MAU2: variants seen among roughly 807,000 people sequenced by gnomAD.
The protein encoded by MAU2 is MAU2 sister chromatid cohesion factor.
Under a neutral mutation model 89.1 loss-of-function variants are expected in MAU2, and 9 were observed. That is an observed-to-expected ratio of 0.10 (90% CI 0.06 to 0.18). The LOEUF is 0.18. Ranked by LOEUF, MAU2 falls within the 10% of genes least tolerant of loss-of-function variation. The probability of loss-of-function intolerance (pLI) is 1.00; values close to 1 mark genes in which losing one functional copy is unlikely to be tolerated. For missense variants in MAU2, 425 were observed against 803.5 expected, an observed-to-expected ratio of 0.53 and a Z score of 5.69; for synonymous variants, 357 against 343.4, an observed-to-expected ratio of 1.04 and a Z score of -0.44.
chr19:19,324,334 A>C (rs759331514), intron 1 of MAU2, among the ~76,000 whole-genome samples: 20 of 152,126 alleles, frequency 1.3e-4, no homozygotes, highest in Non-Finnish European at 2.5e-4. Flanking sequence ...GCTGTCGGGG[A>C]CTGGCAGATG....
chr19:19,323,278 TC>T (rs1568645965), intron 1 of MAU2, among the ~76,000 whole-genome samples: 1 of 151,614 alleles, frequency 6.6e-6, no homozygotes, highest in Non-Finnish European at 1.5e-5. Flanking sequence ...CACTGCAACT[TC>T]CGTCTCGTGG....
intron 16 of MAU2, among the ~76,000 whole-genome samples, chr19:19,350,764 G>T (rs1346719302): frequency 6.6e-6 from 1 of 152,100 alleles, no homozygotes; most frequent in East Asian, 1.9e-4. Context: ...GCCGGGCATG[G>T]TGGCAGGCGC....
chr19:19,337,778 C>T (rs1294147878), intron 4 of MAU2, among the ~76,000 whole-genome samples: 1 of 152,194 alleles, frequency 6.6e-6, no homozygotes, highest in Non-Finnish European at 1.5e-5. Flanking sequence ...GGCACACCCT[C>T]ATCCTGGGAT....
In MAU2 at chr19:19,338,638, A is replaced by T. The variant is rs183623545; in HGVS notation, c.457-207A>T. Among the ~76,000 whole-genome samples the T allele has an allele frequency of 2.8e-4, 42 of 152,338 alleles. No homozygotes were observed. The East Asian group carries it at 7.9e-3, about 29-fold the overall frequency. ...CCACTGCAGGCACCATTCAGTTTAGATGACATATATACTACAGGCCAACTG... is the reference window on the plus strand; with the variant it reads ...CCACTGCAGGCACCATTCAGTTTAGTTGACATATATACTACAGGCCAACTG... On this transcript the variant is annotated intron_variant, in intron 4 of 18. Coordinates refer to ENST00000262815, the MANE Select transcript of MAU2 (RefSeq NM_015329.4).
chr19:19,321,119 G>A lies in MAU2; in HGVS notation c.260G>A (p.Ser87Asn). 6.3e-7 allele frequency: 1 copy of A among 1,594,024 alleles called. No individual in the cohort carries two copies. The highest frequency in any genetic ancestry group is 8.5e-7 in the Non-Finnish European group (1 of 1,170,830). ...HHTKNSEQAR[S>N]HLEKAWLISQ... ...ACCAAGAACAGCGAGCAGGCGCGCA[G>A]CCACCTGGAGAAGGCGGTGAGCGCG... Residue 87 changes from serine (S) to asparagine (N), a missense_variant, in exon 1 of 19, where the codon AGC becomes AAC. This residue lies in a region of MAU2 where 119 missense variants were observed against 299.8 expected (regional missense o/e 0.40). Coordinates refer to ENST00000262815, the MANE Select transcript of MAU2 (RefSeq NM_015329.4).
At chr19:19,323,464 G>A (rs1405282978) in intron 1 of MAU2, among the ~76,000 whole-genome samples, 1 of 152,014 alleles carries the variant, frequency 6.6e-6, no homozygotes, top group Non-Finnish European at 1.5e-5. Flanking sequence ...AAAGTGCTAG[G>A]ATTATAGGTG....
chr19:19,342,781 T>C lies in MAU2; in HGVS notation c.888T>C (p.Thr296=), dbSNP rs1272181655. The C allele has an allele frequency of 2.5e-6, 4 of 1,613,910 alleles. No individual in the cohort carries two copies. The highest frequency in any genetic ancestry group is 3.4e-6 in the Non-Finnish European group (4 of 1,179,980). The change falls in exon 9 of 19, where the codon ACT becomes ACC. Residue 296 remains threonine, a synonymous_variant. Coordinates refer to ENST00000262815, the MANE Select transcript of MAU2 (RefSeq NM_015329.4). The part of the protein sequence containing the change: ...EHMCVLVYLV[T]VMHSMQAGYL... The stretch of plus-strand genomic sequence containing the variant: ...CTGTCTGGTCTTGTCGCTAGGTGAC[T>C]GTGATGCACTCCATGCAGGCCGGCT...
At chr19:19,322,600 A>C (rs1315742937) in intron 1 of MAU2, among the ~76,000 whole-genome samples, 9 of 152,072 alleles carry the variant, frequency 5.9e-5, no homozygotes, top group African/African-American at 1.7e-4. Flanking sequence ...CCTGTCTCAG[A>C]AAAAAAAGAT....
intron 18 of MAU2, 129 bp from the exon 19 acceptor site, chr19:19,355,579 C>A: frequency 8.5e-7 from 1 of 1,178,072 alleles, no homozygotes; most frequent in Non-Finnish European, 1.2e-6. Context: ...CTCCTCGGGG[C>A]CCATTGGACT....
chr19:19,347,351 T>C lies in MAU2; in HGVS notation c.1293T>C (p.Asn431=). ...NLASVYIREG[N]RHQEVLYSLL... ...CGAGTGTGTATATACGGGAAGGAAA[T>C]AGACACCAAGAGGTAGTAGGTGACA... Residue 431 remains asparagine, a synonymous_variant, in exon 13 of 19, where the codon AAT becomes AAC. Coordinates refer to ENST00000262815, the MANE Select transcript of MAU2 (RefSeq NM_015329.4). The C allele has an allele frequency of 3.1e-6, 5 of 1,613,186 alleles. No homozygotes were observed. Among genetic ancestry groups the C allele is most frequent in the Non-Finnish European group, 4.2e-6 (5 of 1,179,462 alleles).
At chr19:19,348,554 C>T in intron 13 of MAU2, 1 of 491,338 alleles carries the variant, frequency 2.0e-6, no homozygotes, top group South Asian at 2.1e-5. Flanking sequence ...CTCACCCCCA[C>T]AGCCCACAGG....
intron 1 of MAU2, among the ~76,000 whole-genome samples, chr19:19,333,184 G>A (rs117923614): frequency 0.033 from 5,029 of 152,002 alleles, 131 homozygotes; most frequent in Admixed American, 0.046. Flanking sequence ...AAATGGAGAA[G>A]GGACACAAAG....
In MAU2 at chr19:19,358,162, G is replaced by GA. The variant is rs957753599; in HGVS notation, c.*2386dup. On this transcript the variant is annotated 3_prime_UTR_variant, in exon 19 of 19. Coordinates refer to ENST00000262815, the MANE Select transcript of MAU2 (RefSeq NM_015329.4). ...CAGTGTCCTGTAGCTAAGTGTCTAG[G>GA]AAAAAACAAAAACTCCAAACCCTTC... 15 of 152,144 alleles carry GA rather than the reference G, an allele frequency of 9.9e-5. No individual in the cohort carries two copies. Among genetic ancestry groups the GA allele is most frequent in the Admixed American group, 9.2e-4 (14 of 15,270 alleles). 9.4% of individuals were successfully genotyped at this position (152,144 alleles called of 1,614,324 possible). A position where few individuals can be genotyped will look rare whatever the true frequency, so the allele number is the denominator to read the frequency against.
At chr19:19,335,501 C>T (rs550134613) in intron 1 of MAU2, among the ~76,000 whole-genome samples, 1 of 152,278 alleles carries the variant, frequency 6.6e-6, no homozygotes, top group Admixed American at 6.5e-5. Flanking sequence ...ATGTCCCCTC[C>T]TGCCCAGGCA....
At position 19,349,251 on chromosome 19, in the gene MAU2, G is replaced by T. The variant is rs756755904; in HGVS notation, c.1436+19G>T. 46 of 1,614,038 alleles carry T rather than the reference G, an allele frequency of 2.8e-5. No individual in the cohort carries two copies. Among genetic ancestry groups the T allele is most frequent in the Non-Finnish European group, 3.9e-5 (46 of 1,180,006 alleles). On this transcript the variant is annotated intron_variant, in intron 15 of 18. Coordinates refer to ENST00000262815, the MANE Select transcript of MAU2 (RefSeq NM_015329.4). ...AGGCCAAGTAAGTGTGGGGCAGAGG[G>T]TGGCGTGAGGGCCATGCTCAGGGTA...
rs1318964801 is a variant in MAU2, at chr19:19,340,997, A to C, written c.579+124A>C. On this transcript the variant is annotated intron_variant, in intron 6 of 18. Coordinates refer to ENST00000262815, the MANE Select transcript of MAU2 (RefSeq NM_015329.4). ...TGGCCCCTTAGGCGCCCAGACCCTT[A>C]GGCACAGTGAGCAGCCTGGAATGTG... 5 of 1,299,200 alleles carry C rather than the reference A, an allele frequency of 3.8e-6. No homozygotes were observed. In the South Asian group the frequency reaches 5.4e-5, roughly 14 times the overall value. 80.5% of individuals were successfully genotyped at this position (1,299,200 alleles called of 1,614,324 possible).
chr19:19,337,551 G>T (rs1201730255), intron 4 of MAU2, among the ~76,000 whole-genome samples: 1 of 152,246 alleles, frequency 6.6e-6, no homozygotes, highest in Non-Finnish European at 1.5e-5. Context: ...CGGGCCTGCT[G>T]CTTGTTGGGT....
chr19:19,325,675 C>T (rs967275412), intron 1 of MAU2, among the ~76,000 whole-genome samples: 3 of 152,058 alleles, frequency 2.0e-5, no homozygotes, highest in Non-Finnish European at 2.9e-5. Context: ...AACAAGGTTT[C>T]ATCATGTTAG....
At chr19:19,344,710 G>A (rs151067083) in intron 10 of MAU2, 139 bp from the exon 11 acceptor site, 21 of 672,434 alleles carry the variant, frequency 3.1e-5, no homozygotes, top group African/African-American at 7.0e-5. Context: ...CATGGTGGAC[G>A]TGTCTGCTGG....
Sources: allele counts gnomAD v4.1 joint callset (sites outside exome capture counted in the v4.1 genomes callset), GRCh38; gene constraint gnomAD v4.1.1; regional missense constraint gnomAD v4.1.1; transcripts MANE v1.5; gene names NCBI Gene and HGNC (gene_info 2026-07-23, HGNC 2026-07-21).